The following CNTN4 variants were observed in gnomAD, a reference collection of about 807,000 sequenced individuals.
CNTN4 encodes the protein contactin-4.
A neutral mutation model predicts 122.5 loss-of-function variants in CNTN4; 77 were observed. The ratio of observed to expected loss-of-function variants is 0.63; its 90% confidence interval spans 0.52 to 0.76. The LOEUF is 0.76. Ranked by LOEUF, CNTN4 falls within the 30% of genes least tolerant of loss-of-function variation. CNTN4 has a pLI of 0.00. For missense variants in CNTN4, 1,256 were observed against 1,259.1 expected (o/e 1.00, Z 0.04); for synonymous variants, 512 against 447.0 (o/e 1.15, Z -1.83).
At chr3:2,727,761 C>T (rs1481965803) in intron 4 of CNTN4, among the ~76,000 whole-genome samples, 1 of 152,160 alleles carries the variant, frequency 6.6e-6, no homozygotes, top group Non-Finnish European at 1.5e-5. Context: ...ACAAAGAAAT[C>T]GTCTGAGAAG....
At position 2,292,100 on chromosome 3, in the gene CNTN4, G is replaced by A. The variant is rs185331841; in HGVS notation, c.-144-47078G>A. Among the ~76,000 whole-genome samples, 58 of 152,250 alleles carry A rather than the reference G, an allele frequency of 3.8e-4. 1 individual carries two copies. Among genetic ancestry groups the A allele is most frequent in the African/African-American group, 1.3e-3 (54 of 41,562 alleles). On this transcript the variant is annotated intron_variant, in intron 2 of 24. Coordinates refer to ENST00000418658, the MANE Select transcript of CNTN4 (RefSeq NM_175607.3). ...ATATTAATCCATCACATAATTAACC[G>A]TTAAAATGTCTCATGCCCATTCCCT...
chr3:2,741,594 A>T (rs2089460502), intron 5 of CNTN4, among the ~76,000 whole-genome samples: 1 of 152,236 alleles, frequency 6.6e-6, no homozygotes. Flanking sequence ...AGAATATATT[A>T]AACCCAAGGC....
chr3:2,863,075 G>A (rs1234329873), intron 7 of CNTN4, among the ~76,000 whole-genome samples: 2 of 152,112 alleles, frequency 1.3e-5, no homozygotes, highest in African/African-American at 4.8e-5. Context: ...TAGGACAAGC[G>A]ATTTGTTGGG....
intron 2 of CNTN4, among the ~76,000 whole-genome samples, chr3:2,227,562 C>A (rs1043761615): frequency 2.6e-5 from 4 of 152,124 alleles, no homozygotes; most frequent in Non-Finnish European, 4.4e-5. Flanking sequence ...TCAGATTCAT[C>A]TTCTCTCTCT....
At chr3:2,696,013 T>C (rs2086013376) in intron 4 of CNTN4, among the ~76,000 whole-genome samples, 1 of 152,194 alleles carries the variant, frequency 6.6e-6, no homozygotes, top group Non-Finnish European at 1.5e-5. Flanking sequence ...TGTATGTATA[T>C]ACACATGTAT....
chr3:2,582,862 G>C (rs1345093934), intron 4 of CNTN4, among the ~76,000 whole-genome samples: 1 of 150,404 alleles, frequency 6.6e-6, no homozygotes, highest in Non-Finnish European at 1.5e-5. Context: ...CCCTACCTGA[G>C]GGTTATGTCC....
chr3:2,399,534 T>C (rs2046763477), intron 3 of CNTN4, among the ~76,000 whole-genome samples: 1 of 152,044 alleles, frequency 6.6e-6, no homozygotes, highest in Non-Finnish European at 1.5e-5. Context: ...GTTACATAAG[T>C]TCTCTGAGTC....
chr3:2,122,928 G>C (rs2125223371), intron 2 of CNTN4, among the ~76,000 whole-genome samples: 1 of 152,256 alleles, frequency 6.6e-6, no homozygotes, highest in African/African-American at 2.4e-5. Context: ...AGAGCTCATT[G>C]AATGTCTCAG....
chr3:2,819,458 A>C (rs1035465281), intron 6 of CNTN4, 28 bp from the exon 7 acceptor site: 2 of 1,546,680 alleles, frequency 1.3e-6, no homozygotes, highest in African/African-American at 2.7e-5. Flanking sequence ...TAAAGTTTAA[A>C]TGCTTTTTCC....
At chr3:2,706,522 A>G (rs2600290) in intron 4 of CNTN4, among the ~76,000 whole-genome samples, 9,794 of 152,214 alleles carry the variant, frequency 0.064, 360 homozygotes, top group South Asian at 0.12. Context: ...TTGCATCATC[A>G]CATCAGACCA....
chr3:2,507,579 C>CA (rs2076765990), intron 3 of CNTN4, among the ~76,000 whole-genome samples: 1 of 151,302 alleles, frequency 6.6e-6, no homozygotes, highest in Non-Finnish European at 1.5e-5. Flanking sequence ...ACTAAAAATA[C>CA]AAAAAATTAG....
intron 14 of CNTN4, among the ~76,000 whole-genome samples, chr3:2,993,969 T>C (rs1247112960): frequency 2.0e-5 from 3 of 152,166 alleles, no homozygotes; most frequent in African/African-American, 4.8e-5. Flanking sequence ...AAATCATTGA[T>C]TGAGAGGGAG....
chr3:2,738,310 A>G (rs912733983), intron 5 of CNTN4, among the ~76,000 whole-genome samples: 2 of 152,248 alleles, frequency 1.3e-5, no homozygotes, highest in Middle Eastern at 6.3e-3. Context: ...CTCAATAGCA[A>G]CAAAAAATCA....
chr3:3,015,982 T>G (rs983492623), intron 14 of CNTN4, among the ~76,000 whole-genome samples: 1 of 152,178 alleles, frequency 6.6e-6, no homozygotes, highest in Non-Finnish European at 1.5e-5. Context: ...AATGGGATTT[T>G]GGGGGGACTC....
rs998564373 is a variant in CNTN4 at position 2,734,167 on chromosome 3, C to T, written c.56-2048C>T. Among the ~76,000 whole-genome samples the T allele has an allele frequency of 2.6e-5, 4 of 152,194 alleles. No homozygotes were observed. In the South Asian group the frequency reaches 6.2e-4, roughly 24 times the overall value. On this transcript the variant is annotated intron_variant, in intron 4 of 24. Transcript: ENST00000418658. ...CCTTGATCCCCCCAGATCAAGCCATCCTCCCACCTCAGCTTCCTGAGTAGC... is the reference window on the plus strand; with the variant it reads ...CCTTGATCCCCCCAGATCAAGCCATTCTCCCACCTCAGCTTCCTGAGTAGC...
At chr3:2,809,095 T>G (rs914359809) in intron 6 of CNTN4, among the ~76,000 whole-genome samples, 1 of 152,192 alleles carries the variant, frequency 6.6e-6, no homozygotes, top group Non-Finnish European at 1.5e-5. Flanking sequence ...GAGCTTTTAT[T>G]TGGGGAGGCA....
intron 12 of CNTN4, among the ~76,000 whole-genome samples, chr3:2,907,711 T>G (rs1212433491): frequency 1.3e-5 from 2 of 152,210 alleles, no homozygotes; most frequent in African/African-American, 2.4e-5. Flanking sequence ...AGCCCTACGG[T>G]CATGAATAAG....
intron 2 of CNTN4, among the ~76,000 whole-genome samples, chr3:2,328,437 C>T (rs2150271697): frequency 6.6e-6 from 1 of 152,238 alleles, no homozygotes; most frequent in South Asian, 2.1e-4. Context: ...CACAGTTTTC[C>T]CCAGGTCTTT....
intron 4 of CNTN4, among the ~76,000 whole-genome samples, chr3:2,573,996 A>C (rs779277624): frequency 8.5e-5 from 13 of 152,108 alleles, no homozygotes; most frequent in Non-Finnish European, 1.8e-4. Flanking sequence ...GTGGGTGGAT[A>C]ACCTGAGGTC....
Sources: allele counts gnomAD v4.1 joint callset (sites outside exome capture counted in the v4.1 genomes callset), GRCh38; gene constraint gnomAD v4.1.1; transcripts MANE v1.5; gene names NCBI Gene and HGNC (gene_info 2026-07-23, HGNC 2026-07-21).